ARHGAP40: variants seen among roughly 807,000 people sequenced by gnomAD.
The protein encoded by ARHGAP40 is rho GTPase-activating protein 40.
In ARHGAP40, 43 loss-of-function variants were observed where a neutral mutation model predicts 73.5. That is an observed-to-expected ratio of 0.58 (90% CI 0.46 to 0.75). ARHGAP40 has a LOEUF of 0.75. Ranked by LOEUF, ARHGAP40 falls within the 30% of genes least tolerant of loss-of-function variation. The pLI, the probability that ARHGAP40 is intolerant of heterozygous loss-of-function variation, is 0.00. For missense variants in ARHGAP40, 734 were observed against 861.8 expected (o/e 0.85, Z 1.86); for synonymous variants, 300 against 352.8 (o/e 0.85, Z 1.68).
At chr20:38,609,830 G>A (rs1408150880) in intron 1 of ARHGAP40, among the ~76,000 whole-genome samples, 2 of 152,244 alleles carry the variant, frequency 1.3e-5, no homozygotes, top group African/African-American at 4.8e-5. Flanking sequence ...GAGGAGAGAT[G>A]GGATTGCAGT....
chr20:38,633,162 G>A (rs1568609239), intron 5 of ARHGAP40, among the ~76,000 whole-genome samples: 1 of 151,714 alleles, frequency 6.6e-6, no homozygotes, highest in Non-Finnish European at 1.5e-5. Context: ...GTGTGTGCCC[G>A]TAATCTTAGC....
At chr20:38,643,336 T>C (rs2089030867) in intron 10 of ARHGAP40, among the ~76,000 whole-genome samples, 4 of 152,182 alleles carry the variant, frequency 2.6e-5, no homozygotes, top group African/African-American at 9.7e-5. Flanking sequence ...ATTCCTTCCT[T>C]TGCATTTTGG....
Position 38,646,291 on chromosome 20 carries a change from A to T in ARHGAP40, c.1710+104A>T. 2 of 1,169,266 alleles carry T rather than the reference A, an allele frequency of 1.7e-6. No homozygotes were observed. Among genetic ancestry groups the T allele is most frequent in the Non-Finnish European group, 2.2e-6 (2 of 921,332 alleles). The allele number at this position is 1,169,266 out of a possible 1,614,324, so 72.4% of individuals were successfully genotyped here. A position where few individuals can be genotyped will look rare whatever the true frequency, so the allele number is the denominator to read the frequency against. ...TCCAGGTCCCCGCTACCGGGCTGCC[A>T]GCAACGGCCCAGTGAGGCCACCAGG... On this transcript the variant is annotated intron_variant, in intron 12 of 14. Coordinates refer to ENST00000373345, the Ensembl canonical transcript of ARHGAP40. This position sits in a 1 kb window ranked among gnomAD's most constrained non-coding sequence, Gnocchi z 4.5.
intron 1 of ARHGAP40, among the ~76,000 whole-genome samples, chr20:38,621,325 A>G (rs2088872182): frequency 6.6e-6 from 1 of 152,244 alleles, no homozygotes; most frequent in Non-Finnish European, 1.5e-5. Context: ...GTACAAAGGA[A>G]CAAAGGTAAC....
chr20:38,641,079 A>AGGAGGGAG (rs148784970), intron 9 of ARHGAP40, among the ~76,000 whole-genome samples: 7 of 143,298 alleles, frequency 4.9e-5, no homozygotes, highest in Non-Finnish European at 1.1e-4. Context: ...AAAGAAGGGA[A>AGGAGGGAG]GGAGGGAGGG....
At chr20:38,603,401 TTATCTGTCTATCTATCTATC>T (rs2088748651) in intron 1 of ARHGAP40, among the ~76,000 whole-genome samples, 2 of 138,360 alleles carry the variant, frequency 1.4e-5, no homozygotes, top group African/African-American at 5.3e-5. Context: ...ACAAGTTTGT[TTATCTGTCTATCTATCTATC>T]TATCTATCTA....
exon 2 of ARHGAP40, chr20:38,623,495 A>G: frequency 7.7e-7 from 1 of 1,290,886 alleles, no homozygotes. Context: ...GGTGGAACAG[A>G]TCCAACAGAG....
intron 1 of ARHGAP40, among the ~76,000 whole-genome samples, chr20:38,617,302 G>GGCTCTCAGCTTTACATGGGTTTCTGCA (rs1182941559): frequency 6.6e-6 from 1 of 152,194 alleles, no homozygotes; most frequent in Non-Finnish European, 1.5e-5. Flanking sequence ...TTGCTTCTGT[G>GGCTCTCAGCTTTACATGGGTTTCTGCA]GCTCTCAGCT....
intron 1 of ARHGAP40, among the ~76,000 whole-genome samples, chr20:38,618,637 CAT>C (rs1374643817): frequency 1.3e-5 from 2 of 152,110 alleles, no homozygotes; most frequent in Admixed American, 1.3e-4. Flanking sequence ...TTTCTCCACT[CAT>C]GTGTCTGACA....
exon 2 of ARHGAP40, chr20:38,623,412 G>A (rs1271725864): frequency 7.0e-6 from 9 of 1,290,888 alleles, no homozygotes; most frequent in Middle Eastern, 2.1e-4. Flanking sequence ...AATCTCCTGC[G>A]ACTACACCCT....
rs1004937072 is a variant in ARHGAP40, at chr20:38,637,817, C to T, written c.1041+18C>T. 22 of 1,302,974 alleles carry T rather than the reference C, an allele frequency of 1.7e-5. No homozygotes were observed. Among genetic ancestry groups the T allele is most frequent in the Non-Finnish European group, 2.2e-5 (22 of 987,838 alleles). The allele number at this position is 1,302,974 out of a possible 1,614,324, so 80.7% of individuals were successfully genotyped here. A position where few individuals can be genotyped will look rare whatever the true frequency, so the allele number is the denominator to read the frequency against. On this transcript the variant is annotated intron_variant, in intron 7 of 14. Coordinates refer to ENST00000373345, the Ensembl canonical transcript of ARHGAP40. ...TTCAAGCCGTAAGTCGCCCCTACCC[C>T]AGCTTGGGTTTATTTAATCCTTCAG... is the stretch of plus-strand genomic sequence containing the variant.
In ARHGAP40 at chr20:38,629,522, C is replaced by T. The variant is rs1443240116; in HGVS notation, c.655C>T (p.Gln219Ter). Residue 219 changes from glutamine to a stop codon, truncating the protein, a stop_gained, in exon 5 of 15, where the codon CAG becomes TAG. Transcript: ENST00000373345. LOFTEE classifies it high-confidence loss of function. ...CGCAGCAGCAGAGCCTGGGGGGCTG[C>T]AGGAGCAGGCTGGGAGGGAAGAAGC... is the stretch of plus-strand genomic sequence containing the variant. The T allele has an allele frequency of 7.7e-7, 1 of 1,305,432 alleles. No individual in the cohort carries two copies. Among genetic ancestry groups the T allele is most frequent in the Non-Finnish European group, 1.0e-6 (1 of 988,960 alleles). The allele number at this position is 1,305,432 out of a possible 1,614,324, so 80.9% of individuals were successfully genotyped here.
intron 1 of ARHGAP40, among the ~76,000 whole-genome samples, chr20:38,622,432 C>T (rs984267030): frequency 2.6e-5 from 4 of 152,252 alleles, no homozygotes; most frequent in African/African-American, 4.8e-5. Flanking sequence ...AGGATTTGGG[C>T]CAGCAACAGG....
chr20:38,646,083 A>AACG lies in ARHGAP40; in HGVS notation c.1609_1611dup (p.Asp537dup). On this transcript the variant is annotated inframe_insertion, in exon 12 of 15. Transcript: ENST00000373345. The surrounding 1 kb of genome is among the most constrained non-coding windows in gnomAD (Gnocchi z 4.5). ...CCTGGTCGCCCAGGTGCGAAAACTG[A>AACG]ACGACAGTAGCAGCAGGCGCCCCCA... 1 of 1,304,182 alleles carries AACG rather than the reference A, an allele frequency of 7.7e-7. No homozygotes were observed. Among genetic ancestry groups the AACG allele is most frequent in the Non-Finnish European group, 1.0e-6 (1 of 988,826 alleles). The allele number at this position is 1,304,182 out of a possible 1,614,324, so 80.8% of individuals were successfully genotyped here. A position where few individuals can be genotyped will look rare whatever the true frequency, so the allele number is the denominator to read the frequency against.
intron 1 of ARHGAP40, among the ~76,000 whole-genome samples, chr20:38,611,010 C>T (rs6092768): frequency 6.6e-6 from 1 of 151,888 alleles, no homozygotes; most frequent in Non-Finnish European, 1.5e-5. Context: ...CTGCCTCAGC[C>T]TTCCGAGTAG....
Position 38,610,173 on chromosome 20 carries a change from C to G in ARHGAP40, c.137+8094C>G, listed in dbSNP as rs1057123670. 3.3e-5 allele frequency among the ~76,000 whole-genome samples: 5 copies of G among 151,770 alleles called. No individual in the cohort carries two copies. In the East Asian group the frequency reaches 7.7e-4, roughly 23 times the overall value. On this transcript the variant is annotated intron_variant, in intron 1 of 14. Coordinates refer to ENST00000373345, the Ensembl canonical transcript of ARHGAP40. The stretch of plus-strand genomic sequence containing the variant: ...ATTATTTGGTAAATGTTATGCATCT[C>G]TGTGTGTGTGTGTGGTTCTCCGGAG...
At chr20:38,641,280 T>C (rs1244580689) in intron 9 of ARHGAP40, among the ~76,000 whole-genome samples, 2 of 152,116 alleles carry the variant, frequency 1.3e-5, no homozygotes, top group East Asian at 1.9e-4. Flanking sequence ...CCTACCTACC[T>C]CCTCTCCCCG....
rs763083609 is a variant in ARHGAP40, at chr20:38,629,649, C to T, written c.782C>T (p.Pro261Leu). The change falls in exon 5 of 15, where the codon CCG becomes CTG. Residue 261 changes from proline (P) to leucine (L), a missense_variant and splice_region_variant. Transcript: ENST00000373345. ...TCTGCCTGGGGCAAGTGTTCCCTGC[C>T]GGTGAGGATGCTGTCCACAGGGCTG... The T allele has an allele frequency of 4.4e-5, 57 of 1,305,164 alleles. No individual in the cohort carries two copies. The highest frequency in any genetic ancestry group is 1.1e-4 in the East Asian group (2 of 18,038). The allele number at this position is 1,305,164 out of a possible 1,614,324, so 80.8% of individuals were successfully genotyped here. A position where few individuals can be genotyped will look rare whatever the true frequency, so the allele number is the denominator to read the frequency against.
chr20:38,615,085 G>A (rs955665322), intron 1 of ARHGAP40: 21 of 915,524 alleles, frequency 2.3e-5, no homozygotes, highest in African/African-American at 3.3e-5. Flanking sequence ...GCAGACACTC[G>A]GAGTTTGGCT....
Sources: allele counts gnomAD v4.1 joint callset (sites outside exome capture counted in the v4.1 genomes callset), GRCh38; gene constraint gnomAD v4.1.1; non-coding constraint Gnocchi (gnomAD v3.1); transcripts MANE v1.5; gene names NCBI Gene and HGNC (gene_info 2026-07-23, HGNC 2026-07-21).